The following NELL1 variants were observed in gnomAD, a reference collection of about 807,000 sequenced individuals.
NELL1 encodes neural EGFL like 1.
NELL1 carries 76 observed loss-of-function variants against 107.4 expected under a neutral mutation model. That is an observed-to-expected ratio of 0.71 (90% CI 0.59 to 0.86). The LOEUF is 0.86. Ranked by LOEUF, NELL1 falls within the 40% of genes least tolerant of loss-of-function variation. NELL1 has a pLI of 0.00. For missense variants in NELL1, 1,024 were observed against 1,005.5 expected (o/e 1.02, Z -0.25); for synonymous variants, 353 against 341.2 (o/e 1.03, Z -0.38).
intron 14 of NELL1, among the ~76,000 whole-genome samples, chr11:21,248,404 AG>A (rs1219086721): frequency 2.6e-5 from 4 of 152,032 alleles, no homozygotes; most frequent in African/African-American, 9.7e-5. Flanking sequence ...AGCAGGAGAG[AG>A]GAAGTGCAGT....
In NELL1 at chr11:21,492,509, A is replaced by G. The variant is rs1854850773; in HGVS notation, c.1646-41865A>G. On this transcript the variant is annotated intron_variant, in intron 15 of 19. Transcript: ENST00000357134. ...TTGGAACCAACCCAAATGTCCAACA[A>G]TGATAGACTGGATTAAGAAAATGTG... is the stretch of plus-strand genomic sequence containing the variant. Among the ~76,000 whole-genome samples, 3 of 151,722 alleles carry G rather than the reference A, an allele frequency of 2.0e-5. No individual in the cohort carries two copies. In the South Asian group the frequency reaches 6.2e-4, roughly 32 times the overall value.
chr11:21,293,112 T>A (rs1414519677), intron 14 of NELL1, among the ~76,000 whole-genome samples: 1 of 151,908 alleles, frequency 6.6e-6, no homozygotes, highest in Non-Finnish European at 1.5e-5. Flanking sequence ...CTGCACAGCA[T>A]AAGAAACTAT....
intron 13 of NELL1, among the ~76,000 whole-genome samples, chr11:21,223,889 A>G (rs1176329221): frequency 6.6e-6 from 1 of 152,124 alleles, no homozygotes; most frequent in African/African-American, 2.4e-5. Context: ...CTTGTCTGAG[A>G]TAGACTTTGT....
At chr11:21,143,238 G>A (rs58384347) in intron 13 of NELL1, among the ~76,000 whole-genome samples, 2,249 of 152,312 alleles carry the variant, frequency 0.015, 39 homozygotes, top group African/African-American at 0.036. Flanking sequence ...TAAACTGTGT[G>A]CAGCAGGATG....
intron 12 of NELL1, among the ~76,000 whole-genome samples, chr11:21,063,088 T>TC (rs75244351): frequency 0.35 from 52,578 of 151,780 alleles, 9,252 homozygotes; most frequent in East Asian, 0.42. Flanking sequence ...GCTCCAGTGA[T>TC]CCCCCTGCCT....
intron 15 of NELL1, among the ~76,000 whole-genome samples, chr11:21,406,681 G>T (rs1223793151): frequency 6.6e-6 from 1 of 151,932 alleles, no homozygotes; most frequent in East Asian, 1.9e-4. Context: ...CAAAAGCTGA[G>T]TCTCTATTCC....
chr11:21,175,555 T>C (rs570636430), intron 13 of NELL1, among the ~76,000 whole-genome samples: 12 of 151,972 alleles, frequency 7.9e-5, no homozygotes, highest in Admixed American at 7.8e-4. Context: ...ACTGGAATAA[T>C]GTGTGACAGT....
chr11:21,111,741 A>G (rs1855112676), intron 12 of NELL1, among the ~76,000 whole-genome samples: 1 of 152,084 alleles, frequency 6.6e-6, no homozygotes, highest in African/African-American at 2.4e-5. Context: ...AGATTAATTT[A>G]AACCATGCTT....
intron 13 of NELL1, among the ~76,000 whole-genome samples, chr11:21,166,079 A>G (rs1015924226): frequency 2.6e-5 from 4 of 151,706 alleles, no homozygotes; most frequent in Non-Finnish European, 5.9e-5. Context: ...TTGCAACAAC[A>G]TGGATGGAGC....
chr11:21,159,826 C>G (rs376030218), intron 13 of NELL1, among the ~76,000 whole-genome samples: 25 of 152,178 alleles, frequency 1.6e-4, no homozygotes, highest in East Asian at 1.2e-3. Flanking sequence ...CTGTTCTCCC[C>G]TTGCTTGTAA....
chr11:21,079,544 A>T (rs181000856), intron 12 of NELL1, among the ~76,000 whole-genome samples: 2 of 152,064 alleles, frequency 1.3e-5, no homozygotes, highest in Non-Finnish European at 2.9e-5. Context: ...CTCTGAAAGA[A>T]TGACAAAAGT....
chr11:21,178,716 AC>A (rs1316629307), intron 13 of NELL1, among the ~76,000 whole-genome samples: 3 of 151,128 alleles, frequency 2.0e-5, no homozygotes, highest in Non-Finnish European at 4.4e-5. Flanking sequence ...GTGAGCCGAG[AC>A]CACACTACTG....
chr11:21,050,085 A>C (rs1853455183), intron 12 of NELL1, among the ~76,000 whole-genome samples: 1 of 152,208 alleles, frequency 6.6e-6, no homozygotes, highest in South Asian at 2.1e-4. Context: ...GCTGCATCTT[A>C]AAAGCTTTCA....
chr11:21,477,412 T>G (rs1397990052), intron 15 of NELL1, among the ~76,000 whole-genome samples: 2 of 151,984 alleles, frequency 1.3e-5, no homozygotes, highest in African/African-American at 2.4e-5. Context: ...ATTCAGGAAA[T>G]TTTTTCAGAT....
At chr11:21,234,116 A>G (rs1177182040) in intron 14 of NELL1, among the ~76,000 whole-genome samples, 3 of 152,226 alleles carry the variant, frequency 2.0e-5, no homozygotes, top group African/African-American at 7.2e-5. Flanking sequence ...AAGCATATGC[A>G]TTAGTTAGGA....
chr11:20,894,151 T>A (rs1351384103), intron 5 of NELL1, among the ~76,000 whole-genome samples: 1 of 152,080 alleles, frequency 6.6e-6, no homozygotes, highest in Non-Finnish European at 1.5e-5. Flanking sequence ...GGGCTATAGA[T>A]CAAAAAGTTA....
intron 14 of NELL1, among the ~76,000 whole-genome samples, chr11:21,280,354 T>A (rs1358671907): frequency 6.6e-6 from 1 of 152,154 alleles, no homozygotes; most frequent in Non-Finnish European, 1.5e-5. Context: ...AAAACACACT[T>A]TCATAAGAAC....
intron 2 of NELL1, among the ~76,000 whole-genome samples, chr11:20,709,188 T>C (rs1289390483): frequency 6.6e-6 from 1 of 152,144 alleles, no homozygotes; most frequent in Non-Finnish European, 1.5e-5. Flanking sequence ...TAGATTTAAG[T>C]CTGACCCATC....
chr11:20,715,185 C>A (rs1258637491), intron 2 of NELL1, among the ~76,000 whole-genome samples: 1 of 151,816 alleles, frequency 6.6e-6, no homozygotes, highest in Non-Finnish European at 1.5e-5. Flanking sequence ...GTGGAGCTTG[C>A]AGTGAGTTGA....
Sources: allele counts gnomAD v4.1 joint callset (sites outside exome capture counted in the v4.1 genomes callset), GRCh38; gene constraint gnomAD v4.1.1; transcripts MANE v1.5; gene names NCBI Gene and HGNC (gene_info 2026-07-23, HGNC 2026-07-21).